The following APBA2 variants were observed in gnomAD, a reference collection of about 807,000 sequenced individuals.
APBA2 encodes amyloid beta precursor protein binding family A member 2.
A neutral mutation model predicts 75.0 loss-of-function variants in APBA2; 30 were observed. The ratio of observed to expected loss-of-function variants is 0.40; its 90% CI spans 0.30 to 0.54. The LOEUF is 0.54. APBA2 is among the 20% of genes least tolerant of loss of function. The pLI, the probability that APBA2 is intolerant of heterozygous loss-of-function variation, is 0.49. For synonymous variants in APBA2, 444 were observed against 409.6 expected (o/e 1.08, Z -1.01); for missense variants, 801 against 1,016.1 (o/e 0.79, Z 2.88).
chr15:28,945,038 T>A (rs1273642878), intron 2 of APBA2, among the ~76,000 whole-genome samples: 1 of 152,168 alleles, frequency 6.6e-6, no homozygotes. Flanking sequence ...GGGCCTTCCT[T>A]GTTCATGGGG....
chr15:28,964,487 C>A (rs1171004962), intron 2 of APBA2, among the ~76,000 whole-genome samples: 2 of 127,442 alleles, frequency 1.6e-5, no homozygotes, highest in South Asian at 2.4e-4. Context: ...CACTTTTGCT[C>A]ATTTTTTTTT....
chr15:28,921,973 C>G (rs1377896043), intron 2 of APBA2, among the ~76,000 whole-genome samples: 3 of 152,240 alleles, frequency 2.0e-5, no homozygotes, highest in African/African-American at 7.2e-5. Context: ...GAAGAACAGA[C>G]ATTTACAGGG....
chr15:28,990,250 A>G (rs2038153450), intron 2 of APBA2, among the ~76,000 whole-genome samples: 1 of 152,194 alleles, frequency 6.6e-6, no homozygotes, highest in East Asian at 1.9e-4. Flanking sequence ...TCTTTACTAA[A>G]AATACAAAAA....
In APBA2 at chr15:28,985,254, G is replaced by A. The variant is rs139353389; in HGVS notation, c.-94-10499G>A. ...GCTGCACTGCAGGGGCACGGGCTCA[G>A]CATGTTCTGGGCCAGGGCACACAAT... On this transcript the variant is annotated intron_variant, in intron 2 of 14. Coordinates refer to ENST00000683413, the MANE Select transcript of APBA2 (RefSeq NM_001353788.2). Among the ~76,000 whole-genome samples, 808 of 152,302 alleles carry A rather than the reference G, an allele frequency of 5.3e-3. 8 individuals carry two copies. The highest frequency in any genetic ancestry group is 0.034 in the South Asian group (163 of 4,824).
chr15:29,096,984 C>T (rs1470321707), intron 8 of APBA2, among the ~76,000 whole-genome samples: 3 of 152,208 alleles, frequency 2.0e-5, no homozygotes, highest in African/African-American at 4.8e-5. Flanking sequence ...CCATGAAACT[C>T]GTCTCACAAC....
At chr15:29,115,928 G>A (rs777976207) in intron 14 of APBA2, among the ~76,000 whole-genome samples, 1 of 152,134 alleles carries the variant, frequency 6.6e-6, no homozygotes, top group Admixed American at 6.5e-5. Flanking sequence ...CCCGTGGGGA[G>A]GCCAGCATGC....
intron 2 of APBA2, among the ~76,000 whole-genome samples, chr15:28,976,494 A>C (rs2037346231): frequency 2.0e-5 from 3 of 152,158 alleles, no homozygotes; most frequent in Admixed American, 6.5e-5. Context: ...TTGTTAAGGA[A>C]GTCTCCTTCT....
intron 3 of APBA2, among the ~76,000 whole-genome samples, chr15:29,052,916 A>T (rs953800841): frequency 6.6e-6 from 1 of 152,186 alleles, no homozygotes; most frequent in African/African-American, 2.4e-5. Flanking sequence ...ACTTCCTCCC[A>T]AGATAAAGAC....
At chr15:29,052,609 C>T (rs1276305064) in intron 3 of APBA2, among the ~76,000 whole-genome samples, 1 of 152,092 alleles carries the variant, frequency 6.6e-6, no homozygotes, top group African/African-American at 2.4e-5. Context: ...CCACGCCAGG[C>T]CCAGAGAGAC....
chr15:28,949,116 A>G (rs2035710123), intron 2 of APBA2, among the ~76,000 whole-genome samples: 1 of 151,356 alleles, frequency 6.6e-6, no homozygotes, highest in African/African-American at 2.4e-5. Context: ...GCGTCATGGC[A>G]GGGTGGTAAA....
intron 3 of APBA2, among the ~76,000 whole-genome samples, chr15:29,053,569 G>C (rs189690621): frequency 6.6e-6 from 1 of 152,114 alleles, no homozygotes; most frequent in East Asian, 1.9e-4. Context: ...GGAATGAGCC[G>C]GTAGGTTCCT....
intron 2 of APBA2, among the ~76,000 whole-genome samples, chr15:28,923,917 G>A (rs999358831): frequency 3.9e-5 from 6 of 152,342 alleles, no homozygotes; most frequent in East Asian, 3.9e-4. Context: ...TCAGCACTTC[G>A]TCTGGCAAGA....
intron 2 of APBA2, among the ~76,000 whole-genome samples, chr15:28,927,599 T>C (rs1384430829): frequency 1.3e-5 from 2 of 151,634 alleles, no homozygotes; most frequent in Non-Finnish European, 2.9e-5. Context: ...TTTTTATTTT[T>C]ATTTTTTTGT....
intron 2 of APBA2, among the ~76,000 whole-genome samples, chr15:28,970,842 T>A (rs1002363869): frequency 1.3e-5 from 2 of 148,656 alleles, no homozygotes; most frequent in South Asian, 4.3e-4. Context: ...GGAAAGGGAG[T>A]CCCCACCTGC....
At chr15:29,021,544 A>G (rs1319359949) in intron 3 of APBA2, among the ~76,000 whole-genome samples, 1 of 152,176 alleles carries the variant, frequency 6.6e-6, no homozygotes, top group African/African-American at 2.4e-5. Flanking sequence ...TTTAGAGCGA[A>G]GCCAACCCCC....
intron 4 of APBA2, among the ~76,000 whole-genome samples, chr15:29,056,658 TCTC>T: frequency 2.3e-5 from 3 of 133,310 alleles, no homozygotes; most frequent in African/African-American, 8.4e-5. Flanking sequence ...TCTCTCTCTC[TCTC>T]TCTTTCTTTC....
intron 2 of APBA2, among the ~76,000 whole-genome samples, chr15:28,960,872 G>T (rs2036432186): frequency 6.6e-6 from 1 of 151,084 alleles, no homozygotes; most frequent in African/African-American, 2.4e-5. Flanking sequence ...TGATTCTCCT[G>T]CCTCAGCCTC....
At chr15:28,952,330 G>T (rs183242535) in intron 2 of APBA2, among the ~76,000 whole-genome samples, 31 of 152,092 alleles carry the variant, frequency 2.0e-4, no homozygotes, top group Non-Finnish European at 3.7e-4. Flanking sequence ...AGGAGTTCAA[G>T]AACAGTCTGG....
intron 2 of APBA2, among the ~76,000 whole-genome samples, chr15:28,987,471 A>G (rs2037982408): frequency 6.6e-6 from 1 of 151,980 alleles, no homozygotes; most frequent in Non-Finnish European, 1.5e-5. Flanking sequence ...TTTGCCATAT[A>G]GACCTTTCCA....
Sources: gnomAD v4.1 joint callset for allele counts (sites outside exome capture counted in the v4.1 genomes callset) on GRCh38, gnomAD v4.1.1 for gene constraint, MANE v1.5 for transcripts, NCBI Gene and HGNC (gene_info 2026-07-23, HGNC 2026-07-21) for gene names.